Variants in MICU3 observed in about 807,000 individuals in gnomAD.
MICU3 encodes mitochondrial calcium uptake 3, also known as calcium uptake protein 3, mitochondrial.
A neutral mutation model predicts 66.5 loss-of-function variants in MICU3; 62 were observed. That is an observed-to-expected ratio of 0.93 (90% CI 0.76 to 1.15). The LOEUF is 1.15. Among genes scored for constraint, MICU3 ranks in the 50% most tolerant of loss-of-function variants. The pLI is 0.00. For synonymous variants in MICU3, 308 were observed against 240.7 expected (o/e 1.28, Z -2.59); for missense variants, 779 against 664.4 (o/e 1.17, Z -1.90).
intron 1 of MICU3, among the ~76,000 whole-genome samples, chr8:17,052,670 G>A (rs2705219): frequency 1 from 152,243 of 152,338 alleles, 76,074 homozygotes; most frequent in Non-Finnish European, 1. Context: ...CCACACAGAC[G>A]CATTTACTAA....
intron 13 of MICU3, 97 bp downstream of exon 13, chr8:17,116,697 G>A: frequency 1.1e-6 from 1 of 941,040 alleles, no homozygotes; most frequent in Non-Finnish European, 1.5e-6. Context: ...AATTTCTTAA[G>A]GATATAAACA....
In MICU3 at chr8:17,114,987, C is replaced by T. The variant is rs553228654; in HGVS notation, c.1366+786C>T. 2.6e-5 allele frequency among the ~76,000 whole-genome samples: 4 copies of T among 151,044 alleles called. No individual in the cohort carries two copies. The East Asian group carries it at 7.8e-4, about 29-fold the overall frequency. On this transcript the variant is annotated intron_variant, in intron 12 of 14. Coordinates refer to ENST00000318063, the MANE Select transcript of MICU3 (RefSeq NM_181723.3). ...ACAAAAAATTAGCCGGGCGTAGTGGCGGGCGCCTGTAGTCCCAGCTACTTG... is the reference window on the plus strand; with the variant it reads ...ACAAAAAATTAGCCGGGCGTAGTGGTGGGCGCCTGTAGTCCCAGCTACTTG...
chr8:17,106,555 T>G (rs1313694604), intron 11 of MICU3, among the ~76,000 whole-genome samples: 1 of 151,786 alleles, frequency 6.6e-6, no homozygotes, highest in African/African-American at 2.4e-5. Flanking sequence ...GCTTTTTTTT[T>G]TTTTTTTGCT....
Position 17,027,358 on chromosome 8 carries a change from C to A in MICU3, c.79C>A (p.Pro27Thr). 6.6e-7 allele frequency: 1 copy of A among 1,505,150 alleles called. No homozygotes were observed. Among genetic ancestry groups the A allele is most frequent in the South Asian group, 1.3e-5 (1 of 77,304 alleles). The allele number at this position is 1,505,150 out of a possible 1,614,324, so 93.2% of individuals were successfully genotyped here. Reference sequence around the variant, plus strand: ...CTGCGCTCACCAGCCCCTCCTTGGGCCGTGGGGGCGGCCTGCGGTGACCAC... The same window carrying A: ...CTGCGCTCACCAGCCCCTCCTTGGGACGTGGGGGCGGCCTGCGGTGACCAC... ...PLCAHQPLLG[P>T]WGRPAVTTLG... is the part of the protein sequence containing the mutation. Residue 27 changes from proline to threonine, a missense_variant, in exon 1 of 15, where the codon CCG becomes ACG. By Grantham distance (38) the Pro-to-Thr change is conservative. Transcript: ENST00000318063.
At chr8:17,135,257 G>T in the MICU3 span, among the ~76,000 whole-genome samples, 29 of 152,104 alleles carry the variant, frequency 1.9e-4, no homozygotes, top group Non-Finnish European at 3.7e-4. Context: ...AAATTAGCCA[G>T]GTGTGATGGT....
intron 1 of MICU3, among the ~76,000 whole-genome samples, chr8:17,053,713 T>C (rs919362051): frequency 6.6e-6 from 1 of 152,200 alleles, no homozygotes; most frequent in African/African-American, 2.4e-5. Flanking sequence ...GAAGAAATCA[T>C]GTATATTTTT....
In MICU3 at chr8:17,098,509, C is replaced by A; in HGVS notation, c.940C>A (p.Leu314Met). ...ELVSRSYWDTLRRNTSQALFS... is the reference protein window; with the variant it reads ...ELVSRSYWDTMRRNTSQALFS... ...TGTCTCCAGAAGCTATTGGGATACA[C>A]TGAGACGTAACACAAGCCAAGCACT... is the stretch of plus-strand genomic sequence containing the variant. Residue 314 changes from leucine (L) to methionine (M), a missense_variant, in exon 9 of 15, where the codon CTG becomes ATG. Coordinates refer to ENST00000318063, the MANE Select transcript of MICU3 (RefSeq NM_181723.3). 6.2e-7 allele frequency: 1 copy of A among 1,611,790 alleles called. No homozygotes were observed. Among genetic ancestry groups the A allele is most frequent in the Non-Finnish European group, 8.5e-7 (1 of 1,178,366 alleles).
At chr8:17,069,536 T>C in intron 2 of MICU3, 152 bp from the exon 3 acceptor site, 1 of 395,994 alleles carries the variant, frequency 2.5e-6, no homozygotes, top group South Asian at 3.7e-5. Flanking sequence ...TATAAGATCA[T>C]ATCACAGATC....
chr8:17,103,168 A>ATCT (rs1801423235), intron 9 of MICU3, among the ~76,000 whole-genome samples: 1 of 151,954 alleles, frequency 6.6e-6, no homozygotes, highest in Non-Finnish European at 1.5e-5. Flanking sequence ...AATCATTAAA[A>ATCT]GAGAAGAAGA....
At chr8:17,093,174 C>T (rs1005640974) in intron 8 of MICU3, among the ~76,000 whole-genome samples, 1 of 151,920 alleles carries the variant, frequency 6.6e-6, no homozygotes, top group Admixed American at 6.6e-5. Flanking sequence ...TTTCCTATTT[C>T]TCATGTGGTC....
At position 17,027,316 on chromosome 8, in the gene MICU3, C is replaced by T. The variant is rs761777555; in HGVS notation, c.37C>T (p.Arg13Trp). 14 of 1,528,710 alleles carry T rather than the reference C, an allele frequency of 9.2e-6. No individual in the cohort carries two copies. The highest frequency in any genetic ancestry group is 1.1e-5 in the Non-Finnish European group (13 of 1,147,070). 94.7% of individuals were successfully genotyped at this position (1,528,710 alleles called of 1,614,324 possible). The change falls in exon 1 of 15, where the codon CGG becomes TGG. Residue 13 changes from arginine to tryptophan, a missense_variant. Coordinates refer to ENST00000318063, the MANE Select transcript of MICU3 (RefSeq NM_181723.3). ...ALRRLLWPPP[R>W]VSPPLCAHQP... ...GCGAAGGCTCTTGTGGCCGCCACCC[C>T]GGGTGTCTCCTCCACTCTGCGCTCA...
rs192866620 is a variant in MICU3 at position 17,038,267 on chromosome 8, C to T, written c.381+10607C>T. ...ATCCCCACGTGTCATGGGAGGGACC[C>T]GGTGGGAGATAATTGAATCGTGGGG... is the stretch of plus-strand genomic sequence containing the variant. On this transcript the variant is annotated intron_variant, in intron 1 of 14. Coordinates refer to ENST00000318063, the MANE Select transcript of MICU3 (RefSeq NM_181723.3). Among the ~76,000 whole-genome samples, 54 of 152,196 alleles carry T rather than the reference C, an allele frequency of 3.5e-4. 2 individuals carry two copies. The highest frequency in any genetic ancestry group is 1.3e-3 in the African/African-American group (52 of 41,524).
rs1463958602 is a variant in MICU3 at position 17,085,226 on chromosome 8, T to C, written c.695-10T>C. The C allele has an allele frequency of 6.3e-7, 1 of 1,591,668 alleles. No individual in the cohort carries two copies. Among genetic ancestry groups the C allele is most frequent in the East Asian group, 2.2e-5 (1 of 44,688 alleles). On this transcript the variant is annotated splice_polypyrimidine_tract_variant and intron_variant, in intron 5 of 14. Coordinates refer to ENST00000318063, the MANE Select transcript of MICU3 (RefSeq NM_181723.3). ...CATTTTGTGAATACCTTCTCTGTTTTTTCTGGCAGAGCCACATGCAGGGTT... is the reference window on the plus strand; with the variant it reads ...CATTTTGTGAATACCTTCTCTGTTTCTTCTGGCAGAGCCACATGCAGGGTT...
At chr8:17,124,882 C>T (rs1336208852), downstream of MICU3, among the ~76,000 whole-genome samples, 2 of 152,030 alleles carry the variant, frequency 1.3e-5, no homozygotes, top group African/African-American at 4.8e-5. Context: ...TTTTTCTCTT[C>T]TTTCTAGGAC....
rs1799944881 is a variant in MICU3 at position 17,090,572 on chromosome 8, T to A, written c.876T>A (p.Ser292=). The A allele has an allele frequency of 6.2e-7, 1 of 1,610,598 alleles. No individual in the cohort carries two copies. The highest frequency in any genetic ancestry group is 1.3e-5 in the African/African-American group (1 of 74,854). The change falls in exon 8 of 15, where the codon TCT becomes TCA. Residue 292 remains serine, a synonymous_variant. Coordinates refer to ENST00000318063, the MANE Select transcript of MICU3 (RefSeq NM_181723.3). Reference sequence around the variant, plus strand: ...GTCTTCAACTTTATGGATACCATTCTCCTACTAATAGTGTATGTACAATAC... The same window carrying A: ...GTCTTCAACTTTATGGATACCATTCACCTACTAATAGTGTATGTACAATAC... ...MLRLQLYGYH[S]PTNSVLKTDA...
intron 1 of MICU3, among the ~76,000 whole-genome samples, chr8:17,058,756 G>T (rs1018134465): frequency 6.6e-6 from 1 of 152,142 alleles, no homozygotes; most frequent in African/African-American, 2.4e-5. Context: ...CCAATCTCCT[G>T]TGCACTCTGA....
chr8:17,090,199 A>C (rs1445255163), intron 7 of MICU3, among the ~76,000 whole-genome samples: 3 of 152,028 alleles, frequency 2.0e-5, no homozygotes, highest in African/African-American at 7.2e-5. Context: ...CTGCATCTGG[A>C]TTTCCCCCTA....
intron 1 of MICU3, among the ~76,000 whole-genome samples, chr8:17,030,614 A>G (rs1204684732): frequency 6.6e-6 from 1 of 152,182 alleles, no homozygotes; most frequent in Non-Finnish European, 1.5e-5. Flanking sequence ...TCTACAAAAA[A>G]TAGAGATGGG....
chr8:17,104,139 ATTTCT>A (rs553197539), intron 9 of MICU3, among the ~76,000 whole-genome samples: 375 of 152,070 alleles, frequency 2.5e-3, no homozygotes, highest in African/African-American at 8.7e-3. Context: ...GTGATTAAAC[ATTTCT>A]TAAATCACAT....
Sources: gnomAD v4.1 joint callset for allele counts (sites outside exome capture counted in the v4.1 genomes callset) on GRCh38, gnomAD v4.1.1 for gene constraint, MANE v1.5 for transcripts, NCBI Gene and HGNC (gene_info 2026-07-23, HGNC 2026-07-21) for gene names.